Variants in EML4 observed in about 807,000 individuals in gnomAD.
The protein encoded by EML4 is EMAP like 4, also known as echinoderm microtubule-associated protein-like 4.
Under a neutral mutation model 129.0 loss-of-function variants are expected in EML4, and 72 were observed. The ratio of observed to expected loss-of-function variants is 0.56; its 90% CI spans 0.46 to 0.68. The LOEUF is 0.68. Among genes scored for constraint, EML4 ranks in the 30% least tolerant of loss-of-function variants. The pLI is 0.00. For missense variants in EML4, 1,363 were observed against 1,190.6 expected (o/e 1.14, Z -2.13); for synonymous variants, 532 against 405.0 (o/e 1.31, Z -3.77).
rs1363726666 is a variant in EML4 at position 42,295,374 on chromosome 2, C to CT, written c.1354-5dup. ...GAAAACTGAAAATTTTTATTGTTTC[C>CT]TTGTAGAAATATGAAAAGCCAAAAT... On this transcript the variant is annotated splice_polypyrimidine_tract_variant and splice_region_variant and intron_variant, in intron 12 of 22. Transcript: ENST00000318522. 6.2e-7 allele frequency: 1 copy of CT among 1,607,126 alleles called. No homozygotes were observed. The highest frequency in any genetic ancestry group is 8.5e-7 in the Non-Finnish European group (1 of 1,178,422).
intron 1 of EML4, among the ~76,000 whole-genome samples, chr2:42,208,437 T>C (rs1183297577): frequency 6.6e-6 from 1 of 151,018 alleles, no homozygotes; most frequent in African/African-American, 2.4e-5. Flanking sequence ...TTTTTTTCTT[T>C]TCTTTTCTTT....
intron 1 of EML4, among the ~76,000 whole-genome samples, chr2:42,234,559 C>G (rs1380158979): frequency 6.6e-6 from 1 of 152,142 alleles, no homozygotes; most frequent in Admixed American, 6.5e-5. Flanking sequence ...TTCCTTGCTC[C>G]CTCCATTAGC....
At chr2:42,190,523 TA>T (rs1361762558) in intron 1 of EML4, among the ~76,000 whole-genome samples, 3 of 152,196 alleles carry the variant, frequency 2.0e-5, no homozygotes, top group African/African-American at 4.8e-5. Context: ...GGGGAAGACT[TA>T]GATGAATTAG....
At chr2:42,253,694 C>T (rs1375876906) in intron 2 of EML4, among the ~76,000 whole-genome samples, 5 of 152,042 alleles carry the variant, frequency 3.3e-5, no homozygotes, top group African/African-American at 7.2e-5. Context: ...AACCCTAATT[C>T]GAGTTATTAA....
At chr2:42,244,094 G>GTTTTTTTTTTTTTTTTTTTTTT (rs898798718) in intron 1 of EML4, among the ~76,000 whole-genome samples, 2 of 44,946 alleles carry the variant, frequency 4.4e-5, no homozygotes, top group Admixed American at 1.5e-4. Context: ...TTTTGTTTTT[G>GTTTTTTTTTTTTTTTTTTTTTT]TTTTTTGTTT....
intron 21 of EML4, among the ~76,000 whole-genome samples, chr2:42,326,863 CAG>C (rs1470541485): frequency 6.6e-6 from 1 of 152,186 alleles, no homozygotes; most frequent in East Asian, 1.9e-4. Context: ...GCCTGGGTGA[CAG>C]AGTGAGACTC....
intron 2 of EML4, among the ~76,000 whole-genome samples, chr2:42,251,908 C>T (rs911504775): frequency 6.6e-6 from 1 of 152,216 alleles, no homozygotes; most frequent in Admixed American, 6.5e-5. Context: ...AGGTGATACA[C>T]TATTTGAAAG....
intron 16 of EML4, 106 bp downstream of exon 16, chr2:42,303,552 T>A: frequency 8.1e-7 from 1 of 1,237,404 alleles, no homozygotes; most frequent in Non-Finnish European, 1.2e-6. Context: ...AAACCAAATG[T>A]AAACATATGG....
At chr2:42,323,145 C>G (rs535503129) in intron 19 of EML4, among the ~76,000 whole-genome samples, 50 of 152,194 alleles carry the variant, frequency 3.3e-4, no homozygotes, top group Admixed American at 7.9e-4. Context: ...AAATACTATT[C>G]CATTAGGGTG....
intron 1 of EML4, among the ~76,000 whole-genome samples, chr2:42,181,943 T>A (rs942975684): frequency 6.6e-6 from 1 of 152,188 alleles, no homozygotes; most frequent in African/African-American, 2.4e-5. Context: ...TGTACATATG[T>A]GTGTGGCAAT....
At chr2:42,244,082 TTTTTTG>T (rs1464684869) in intron 1 of EML4, among the ~76,000 whole-genome samples, 32 of 68,648 alleles carry the variant, frequency 4.7e-4, no homozygotes, top group African/African-American at 1.0e-3. Context: ...TTGTTTTTTG[TTTTTTG>T]TTTTTGTTTT....
At chr2:42,263,125 T>C in intron 4 of EML4, 53 bp from the exon 5 acceptor site, 2 of 1,461,676 alleles carry the variant, frequency 1.4e-6, no homozygotes, top group East Asian at 4.6e-5. Context: ...AATTGTCAGT[T>C]ACATGTCTTT....
chr2:42,310,319 C>T (rs1191780971), intron 17 of EML4, among the ~76,000 whole-genome samples: 3 of 151,606 alleles, frequency 2.0e-5, no homozygotes, highest in African/African-American at 7.3e-5. Flanking sequence ...TCCCCTTTCC[C>T]TTTCCCTTCC....
chr2:42,252,314 T>G (rs897647197), intron 2 of EML4, among the ~76,000 whole-genome samples: 1 of 152,166 alleles, frequency 6.6e-6, no homozygotes, highest in African/African-American at 2.4e-5. Context: ...TGATCAAGTG[T>G]AAAAGTTTTT....
At chr2:42,183,946 A>G (rs1671097573) in intron 1 of EML4, among the ~76,000 whole-genome samples, 1 of 152,304 alleles carries the variant, frequency 6.6e-6, no homozygotes, top group Non-Finnish European at 1.5e-5. Flanking sequence ...TTGTACCACC[A>G]GGATGAGGTC....
At chr2:42,295,314 AT>A in intron 12 of EML4, 55 bp downstream of exon 12, 1 of 1,593,976 alleles carries the variant, frequency 6.3e-7, no homozygotes, top group Non-Finnish European at 8.5e-7. Flanking sequence ...AATTTTTTTA[AT>A]TGTTTAATAA....
chr2:42,182,741 G>T (rs1671020365), intron 1 of EML4, among the ~76,000 whole-genome samples: 1 of 152,012 alleles, frequency 6.6e-6, no homozygotes, highest in Non-Finnish European at 1.5e-5. Flanking sequence ...CCACAGACTG[G>T]GTGGTTTAAA....
intron 1 of EML4, among the ~76,000 whole-genome samples, chr2:42,174,297 G>C (rs975382431): frequency 1.1e-4 from 17 of 151,820 alleles, no homozygotes; most frequent in Admixed American, 2.6e-4. Flanking sequence ...ATATTTCTTT[G>C]TGTGTGTGTG....
At chr2:42,275,859 C>G (rs923617783) in intron 6 of EML4, among the ~76,000 whole-genome samples, 1 of 151,984 alleles carries the variant, frequency 6.6e-6, no homozygotes, top group Non-Finnish European at 1.5e-5. Context: ...AGGTAGTTTT[C>G]CTCACTTTCC....
Sources: allele counts gnomAD v4.1 joint callset (sites outside exome capture counted in the v4.1 genomes callset), GRCh38; gene constraint gnomAD v4.1.1; transcripts MANE v1.5; gene names NCBI Gene and HGNC (gene_info 2026-07-23, HGNC 2026-07-21).